Variants in POT1 observed in about 807,000 individuals in gnomAD.
POT1 encodes the protein protection of telomeres protein 1.
POT1 carries 47 observed loss-of-function variants against 78.5 expected under a neutral mutation model. That is an observed-to-expected ratio of 0.60 (90% CI 0.47 to 0.76). The LOEUF is 0.76. POT1 is among the 30% of genes least tolerant of loss of function. The probability of loss-of-function intolerance (pLI) is 0.00; values close to 1 mark genes in which losing one functional copy is unlikely to be tolerated. For synonymous variants in POT1, 259 were observed against 260.7 expected (o/e 0.99, Z 0.06); for missense variants, 646 against 749.9 (o/e 0.86, Z 1.62).
chr7:124,916,928 ATCTT>A lies in POT1; in HGVS notation c.-226-1286_-226-1283del, dbSNP rs1428539450. 5.3e-5 allele frequency among the ~76,000 whole-genome samples: 8 copies of A among 152,232 alleles called. No individual in the cohort carries two copies. The East Asian group carries it at 1.5e-3, about 29-fold the overall frequency. On this transcript the variant is annotated intron_variant, in intron 2 of 18. Transcript: ENST00000357628. ...AACTCTGCTTGGCTCTTTCTCCTCTATCTTTCTTTCAGAACAAAGGACTTAAAAT... is the reference window on the plus strand; with the variant it reads ...AACTCTGCTTGGCTCTTTCTCCTCTATCTTTCAGAACAAAGGACTTAAAAT...
intron 8 of POT1, among the ~76,000 whole-genome samples, chr7:124,861,262 G>A (rs1795588852): frequency 6.6e-6 from 1 of 152,084 alleles, no homozygotes; most frequent in Non-Finnish European, 1.5e-5. Context: ...ATCCTCTCCA[G>A]CATGTTGTTT....
intron 6 of POT1, among the ~76,000 whole-genome samples, chr7:124,872,301 C>T (rs1795891391): frequency 6.6e-6 from 1 of 152,150 alleles, no homozygotes; most frequent in South Asian, 2.1e-4. Flanking sequence ...GATATCTCTT[C>T]AACATACTGA....
chr7:124,926,031 T>C (rs1259655788), intron 2 of POT1, among the ~76,000 whole-genome samples: 1 of 152,128 alleles, frequency 6.6e-6, no homozygotes, highest in Non-Finnish European at 1.5e-5. Context: ...AAAACTCTTC[T>C]AGATATTGGT....
At chr7:124,882,261 G>C (rs1796136544) in intron 6 of POT1, among the ~76,000 whole-genome samples, 1 of 151,938 alleles carries the variant, frequency 6.6e-6, no homozygotes, top group Non-Finnish European at 1.5e-5. Flanking sequence ...AAACCAATCA[G>C]TATTTGAGCA....
chr7:124,826,162 G>A (rs1163492215), intron 17 of POT1, among the ~76,000 whole-genome samples: 11 of 152,100 alleles, frequency 7.2e-5, no homozygotes, highest in East Asian at 1.9e-4. Flanking sequence ...CCATACCTAC[G>A]TGATAGAGTC....
chr7:124,915,130 T>C (rs1329745409), intron 3 of POT1, among the ~76,000 whole-genome samples: 3 of 152,188 alleles, frequency 2.0e-5, no homozygotes, highest in South Asian at 2.1e-4. Context: ...CAGTGTCTGA[T>C]ATATACTTAG....
rs567914893 is a variant in POT1, at chr7:124,823,804, C to T, written c.*158G>A. On this transcript the variant is annotated 3_prime_UTR_variant, in exon 19 of 19. Transcript: ENST00000357628. ...TCCATAGCCATTATTTACCTTGCAC[C>T]CAGTAAAAGCCAAGAGATTTAAGGT... is the stretch of plus-strand genomic sequence containing the variant. 129 of 592,160 alleles carry T rather than the reference C, an allele frequency of 2.2e-4. No homozygotes were observed. The East Asian group carries it at 3.9e-3, about 18-fold the overall frequency. 36.7% of individuals were successfully genotyped at this position (592,160 alleles called of 1,614,324 possible). A position where few individuals can be genotyped will look rare whatever the true frequency, so the allele number is the denominator to read the frequency against.
intron 2 of POT1, among the ~76,000 whole-genome samples, chr7:124,926,713 A>C (rs1283679131): frequency 6.6e-6 from 1 of 152,218 alleles, no homozygotes; most frequent in Non-Finnish European, 1.5e-5. Context: ...TGGATTTAAA[A>C]AGTCACATAT....
intron 17 of POT1, 83 bp from the exon 18 acceptor site, chr7:124,825,440 G>C (rs1282911382): frequency 4.9e-6 from 4 of 808,390 alleles, no homozygotes; most frequent in Non-Finnish European, 7.5e-6. Context: ...TTTCAATATT[G>C]TCCAATTAAA....
intron 16 of POT1, chr7:124,828,939 C>A: frequency 1.7e-6 from 1 of 601,032 alleles, no homozygotes. Flanking sequence ...GGCCAAACAA[C>A]ATCTGCAGCA....
chr7:124,828,916 T>C (rs1181154992), intron 16 of POT1: 1 of 565,524 alleles, frequency 1.8e-6, no homozygotes, highest in Non-Finnish European at 3.4e-6. Flanking sequence ...ATAATTTCAC[T>C]CTATTCTGAA....
intron 6 of POT1, among the ~76,000 whole-genome samples, chr7:124,882,457 T>C (rs1298309756): frequency 1.3e-5 from 2 of 152,034 alleles, no homozygotes; most frequent in Non-Finnish European, 2.9e-5. Flanking sequence ...TTTCCACTTG[T>C]GCTTTCATTC....
chr7:124,925,560 C>A (rs1797254162), intron 2 of POT1, among the ~76,000 whole-genome samples: 1 of 151,960 alleles, frequency 6.6e-6, no homozygotes, highest in South Asian at 2.1e-4. Flanking sequence ...CAATGCAATC[C>A]TTATCAAATT....
intron 6 of POT1, among the ~76,000 whole-genome samples, chr7:124,889,542 G>C (rs572824627): frequency 2.0e-5 from 3 of 152,124 alleles, no homozygotes; most frequent in Non-Finnish European, 4.4e-5. Flanking sequence ...CTTGGAACAA[G>C]GTGCCATCTA....
rs1584792012 is a variant in POT1 at position 124,892,337 on chromosome 7, T to C, written c.53A>G (p.Lys18Arg). 7.8e-6 allele frequency: 12 copies of C among 1,530,284 alleles called. No individual in the cohort carries two copies. The highest frequency in any genetic ancestry group is 1.0e-5 in the Non-Finnish European group (12 of 1,146,074). 94.8% of individuals were successfully genotyped at this position (1,530,284 alleles called of 1,614,324 possible). Residue 18 changes from lysine to arginine, a missense_variant, in exon 6 of 19, where the codon AAG becomes AGG. Lys to Arg is a conservative substitution (Grantham distance 26). Transcript: ENST00000357628. The stretch of plus-strand genomic sequence containing the variant: ...ATAGACATTGACAATTGTACCACCC[T>C]TAAGTTGATTCAGGGGTGTATATAT... ...NYIYTPLNQLKGGTIVNVYGV... is the reference protein window; with the variant it reads ...NYIYTPLNQLRGGTIVNVYGV...
chr7:124,900,180 C>A (rs1796584643), intron 3 of POT1, among the ~76,000 whole-genome samples: 1 of 152,076 alleles, frequency 6.6e-6, no homozygotes, highest in African/African-American at 2.4e-5. Context: ...AGCAACTCTG[C>A]CTGTTTTATT....
At chr7:124,855,218 C>CAAAAAAAAAAAAAAAA (rs550056711) in intron 9 of POT1, among the ~76,000 whole-genome samples, 1 of 52,492 alleles carries the variant, frequency 1.9e-5, no homozygotes, top group Admixed American at 2.7e-4. Flanking sequence ...GAGAGGAGAG[C>CAAAAAAAAAAAAAAAA]AAAAAAAAAA....
At chr7:124,849,670 T>C (rs1452543559) in intron 11 of POT1, among the ~76,000 whole-genome samples, 2 of 152,164 alleles carry the variant, frequency 1.3e-5, no homozygotes, top group East Asian at 3.8e-4. Context: ...TATTCAAGGA[T>C]GTTTATTAAA....
chr7:124,899,587 C>T (rs1309491427), intron 3 of POT1, among the ~76,000 whole-genome samples: 1 of 152,038 alleles, frequency 6.6e-6, no homozygotes, highest in Non-Finnish European at 1.5e-5. Context: ...CTGAAGTATA[C>T]ACTCTGTTTT....
Sources: allele counts gnomAD v4.1 joint callset (sites outside exome capture counted in the v4.1 genomes callset), GRCh38; gene constraint gnomAD v4.1.1; transcripts MANE v1.5; gene names NCBI Gene and HGNC (gene_info 2026-07-23, HGNC 2026-07-21).